EMCN: variants seen among roughly 807,000 people sequenced by gnomAD.
EMCN encodes the protein endomucin.
Under a neutral mutation model 38.4 loss-of-function variants are expected in EMCN, and 37 were observed. The observed-to-expected ratio is 0.96, with a 90% CI of 0.74 to 1.27. The LOEUF is 1.27. EMCN is among the 50% of genes most tolerant of loss of function. The pLI, the probability that EMCN is intolerant of heterozygous loss-of-function variation, is 0.00. For missense variants in EMCN, 318 were observed against 302.8 expected, an observed-to-expected ratio of 1.05 and a Z score of -0.37; for synonymous variants, 95 against 100.8, an observed-to-expected ratio of 0.94 and a Z score of 0.35.
In EMCN at chr4:100,422,853, T is replaced by G. The variant is rs184386719; in HGVS notation, c.568+168A>C. ...TTTTTTTTTTGTCATTAAGACTCAC[T>G]TGTGGGAAATTTTCAGAGCAGGCAG... On this transcript the variant is annotated intron_variant, in intron 7 of 11. Transcript: ENST00000296420. 2.6e-3 allele frequency among the ~76,000 whole-genome samples: 390 copies of G among 148,290 alleles called. 2 individuals are homozygous for G. Among genetic ancestry groups the G allele is most frequent in the African/African-American group, 9.2e-3 (373 of 40,710 alleles).
In EMCN at chr4:100,459,168, GCTCTCTCTCTCTCTCTCTCTCTCT is replaced by G. The variant is rs70958363; in HGVS notation, c.376+6231_376+6254del. Among the ~76,000 whole-genome samples the G allele has an allele frequency of 4.7e-3, 624 of 132,930 alleles. 4 individuals carry two copies. The highest frequency in any genetic ancestry group is 8.1e-3 in the Admixed American group (109 of 13,442). The allele number at this position is 132,930 out of a possible 152,430, so 87.2% of individuals were successfully genotyped here. ...CTAGCTGGAGCCATTGCCCTCAGAT[GCTCTCTCTCTCTCTCTCTCTCTCT>G]CTCTCTCTCTCTCTCTCTCTCTCTC... On this transcript the variant is annotated intron_variant, in intron 4 of 11. Coordinates refer to ENST00000296420, the MANE Select transcript of EMCN (RefSeq NM_016242.4).
At chr4:100,422,336 A>G (rs1726911627) in intron 7 of EMCN, among the ~76,000 whole-genome samples, 1 of 152,048 alleles carries the variant, frequency 6.6e-6, no homozygotes, top group African/African-American at 2.4e-5. Flanking sequence ...CAGGTCAGTA[A>G]TTTCTATGAT....
At chr4:100,402,939 GCAACCA>G (rs1425318474) in intron 11 of EMCN, among the ~76,000 whole-genome samples, 1 of 152,120 alleles carries the variant, frequency 6.6e-6, no homozygotes, top group Admixed American at 6.6e-5. Flanking sequence ...GGGTTGCAAA[GCAACCA>G]TAGCAAGTAG....
At chr4:100,418,077 T>C (rs1231517156) in intron 8 of EMCN, among the ~76,000 whole-genome samples, 3 of 27,794 alleles carry the variant, frequency 1.1e-4, no homozygotes, top group Non-Finnish European at 2.3e-4. Context: ...TTGGTTAAGA[T>C]ATTGCCATCG....
intron 11 of EMCN, among the ~76,000 whole-genome samples, chr4:100,398,714 A>G (rs1726177063): frequency 6.6e-6 from 1 of 152,158 alleles, no homozygotes; most frequent in East Asian, 1.9e-4. Context: ...CATCCAATCA[A>G]TCACCACATC....
intron 8 of EMCN, among the ~76,000 whole-genome samples, chr4:100,417,628 C>T (rs1726772336): frequency 6.6e-6 from 1 of 152,108 alleles, no homozygotes; most frequent in African/African-American, 2.4e-5. Flanking sequence ...TATCTTAAAC[C>T]CACTGATTCA....
intron 3 of EMCN, among the ~76,000 whole-genome samples, chr4:100,474,664 T>G (rs1728584157): frequency 6.6e-6 from 1 of 152,170 alleles, no homozygotes; most frequent in Non-Finnish European, 1.5e-5. Context: ...TATTATTTAG[T>G]AATAAAAAAG....
Position 100,475,658 on chromosome 4 carries a change from C to CATTTTTTTTTTTTTT in EMCN, c.188-550_188-549insAAAAAAAAAAAAAAT, listed in dbSNP as rs1728617733. 8.3e-5 allele frequency among the ~76,000 whole-genome samples: 9 copies of CATTTTTTTTTTTTTT among 108,092 alleles called. 2 individuals carry two copies. Among genetic ancestry groups the CATTTTTTTTTTTTTT allele is most frequent in the African/African-American group, 1.1e-4 (3 of 27,062 alleles). 70.9% of individuals were successfully genotyped at this position (108,092 alleles called of 152,430 possible). On this transcript the variant is annotated intron_variant, in intron 2 of 11. Coordinates refer to ENST00000296420, the MANE Select transcript of EMCN (RefSeq NM_016242.4). The stretch of plus-strand genomic sequence containing the variant: ...CTTGAGGGCAGTATCCAATTCTAGT[C>CATTTTTTTTTTTTTT]CTTTTTTTTTTTTTTTTTTTTTTTT...
At chr4:100,406,271 C>T (rs910304062) in intron 11 of EMCN, among the ~76,000 whole-genome samples, 1 of 151,944 alleles carries the variant, frequency 6.6e-6, no homozygotes, top group Non-Finnish European at 1.5e-5. Context: ...TTTTCTTTTG[C>T]TAGCTGTGGG....
At chr4:100,491,491 C>A (rs1729074116) in intron 1 of EMCN, among the ~76,000 whole-genome samples, 1 of 152,112 alleles carries the variant, frequency 6.6e-6, no homozygotes. Flanking sequence ...CCTAAAAGCC[C>A]CCCTGCCTCA....
At position 100,395,960 on chromosome 4, in the gene EMCN, T is replaced by G. The variant is rs1726108463; in HGVS notation, c.*2453A>C. ...AACAAACACATAGAAAGTCTTGCCT[T>G]TGATCTAAATACAGGCACTTCTTTG... On this transcript the variant is annotated 3_prime_UTR_variant, in exon 12 of 12. Transcript: ENST00000296420. The G allele has an allele frequency of 6.6e-6, 1 of 152,206 alleles. No individual in the cohort carries two copies. The highest frequency in any genetic ancestry group is 2.1e-4 in the South Asian group (1 of 4,828). The allele number at this position is 152,206 out of a possible 1,614,324, so 9.4% of individuals were successfully genotyped here. A position where few individuals can be genotyped will look rare whatever the true frequency, so the allele number is the denominator to read the frequency against.
intron 9 of EMCN, 86 bp from the exon 10 acceptor site, chr4:100,416,045 G>T: frequency 1.2e-6 from 1 of 809,942 alleles, no homozygotes; most frequent in South Asian, 1.7e-5. Context: ...ACAGAATGAC[G>T]AAGATACATA....
chr4:100,474,899 C>A, intron 3 of EMCN, 139 bp downstream of exon 3: 1 of 394,192 alleles, frequency 2.5e-6, no homozygotes, highest in Non-Finnish European at 4.6e-6. Flanking sequence ...TTAAAATGTG[C>A]TGAAATTAAT....
chr4:100,447,414 T>G (rs969560413), intron 5 of EMCN, 119 bp downstream of exon 5: 5 of 696,438 alleles, frequency 7.2e-6, no homozygotes, highest in African/African-American at 7.1e-5. Flanking sequence ...TTATTTGTGA[T>G]GTAATGTTTT....
intron 1 of EMCN, among the ~76,000 whole-genome samples, chr4:100,482,275 G>T (rs1728829035): frequency 6.6e-6 from 1 of 151,958 alleles, no homozygotes. Flanking sequence ...GGTAAGTATT[G>T]TTTCATGAAG....
intron 4 of EMCN, among the ~76,000 whole-genome samples, chr4:100,459,430 A>C (rs1728114290): frequency 1.3e-5 from 2 of 152,150 alleles, no homozygotes; most frequent in Non-Finnish European, 2.9e-5. Flanking sequence ...CAGAACATTT[A>C]AAATCTACTC....
At chr4:100,467,690 A>C (rs985189278) in intron 3 of EMCN, among the ~76,000 whole-genome samples, 3 of 151,742 alleles carry the variant, frequency 2.0e-5, no homozygotes, top group Non-Finnish European at 4.4e-5. Flanking sequence ...TCAAAAAAAA[A>C]AAAAAAAAAA....
intron 1 of EMCN, among the ~76,000 whole-genome samples, chr4:100,501,278 T>C (rs1405135471): frequency 6.6e-6 from 1 of 152,158 alleles, no homozygotes; most frequent in Non-Finnish European, 1.5e-5. Flanking sequence ...TACCCAATGG[T>C]ACCAGCAGCA....
At chr4:100,514,211 A>G (rs1337657752) in intron 1 of EMCN, among the ~76,000 whole-genome samples, 3 of 152,042 alleles carry the variant, frequency 2.0e-5, no homozygotes, top group African/African-American at 7.2e-5. Flanking sequence ...CACCATGTCC[A>G]AAACCAAATA....
Sources: gnomAD v4.1 joint callset for allele counts (sites outside exome capture counted in the v4.1 genomes callset) on GRCh38, gnomAD v4.1.1 for gene constraint, MANE v1.5 for transcripts, NCBI Gene and HGNC (gene_info 2026-07-23, HGNC 2026-07-21) for gene names.